Variants in PACSIN2 observed in about 807,000 individuals in gnomAD.
PACSIN2 encodes the protein protein kinase C and casein kinase substrate in neurons 2.
A neutral mutation model predicts 63.8 loss-of-function variants in PACSIN2; 25 were observed. That is an observed-to-expected ratio of 0.39 (90% CI 0.29 to 0.55). The LOEUF (loss-of-function observed/expected upper bound fraction) is 0.55, where lower values mean the gene tolerates loss of function less well. Ranked by LOEUF, PACSIN2 falls within the 20% of genes least tolerant of loss-of-function variation. The probability of loss-of-function intolerance (pLI) is 0.62; values close to 1 mark genes in which losing one functional copy is unlikely to be tolerated. For missense variants in PACSIN2, 518 were observed against 646.9 expected (o/e 0.80, Z 2.16); for synonymous variants, 255 against 256.2 (o/e 1.00, Z 0.05).
At chr22:42,943,913 A>G (rs1933290340) in intron 1 of PACSIN2, among the ~76,000 whole-genome samples, 2 of 152,242 alleles carry the variant, frequency 1.3e-5, no homozygotes, top group Non-Finnish European at 2.9e-5. Flanking sequence ...TAAAAATCTT[A>G]TTACCTAAAA....
At chr22:42,922,500 T>G (rs1932261491) in intron 1 of PACSIN2, among the ~76,000 whole-genome samples, 1 of 152,156 alleles carries the variant, frequency 6.6e-6, no homozygotes, top group Non-Finnish European at 1.5e-5. Flanking sequence ...ACTGCAGAGG[T>G]AGGCAGAGGT....
intron 4 of PACSIN2, among the ~76,000 whole-genome samples, chr22:42,890,578 T>C (rs748435067): frequency 2.0e-5 from 3 of 151,878 alleles, no homozygotes; most frequent in Non-Finnish European, 1.5e-5. Flanking sequence ...ATTAGCAGGG[T>C]GTGGTGGCAT....
intron 1 of PACSIN2, among the ~76,000 whole-genome samples, chr22:42,987,492 A>C (rs1181848913): frequency 3.1e-4 from 31 of 99,832 alleles, no homozygotes; most frequent in African/African-American, 5.4e-4. Context: ...ACACACACAC[A>C]CCCATGGCAC....
chr22:42,979,920 A>G (rs1215739767), intron 1 of PACSIN2, among the ~76,000 whole-genome samples: 2 of 152,232 alleles, frequency 1.3e-5, no homozygotes, highest in Non-Finnish European at 1.5e-5. Context: ...GTAAATTTAC[A>G]TACACACATT....
chr22:42,880,160 G>A (rs962412093), intron 7 of PACSIN2, among the ~76,000 whole-genome samples: 6 of 152,114 alleles, frequency 3.9e-5, no homozygotes, highest in African/African-American at 7.2e-5. Context: ...CTGCTCACAC[G>A]TACTTACAGA....
chr22:42,978,249 T>A (rs1169630326), intron 1 of PACSIN2, among the ~76,000 whole-genome samples: 1 of 152,206 alleles, frequency 6.6e-6, no homozygotes, highest in Admixed American at 6.5e-5. Flanking sequence ...TCTCTTTTTT[T>A]AAAACATGCA....
intron 1 of PACSIN2, among the ~76,000 whole-genome samples, chr22:42,925,601 G>T (rs1375996688): frequency 6.6e-6 from 1 of 152,188 alleles, no homozygotes; most frequent in East Asian, 1.9e-4. Flanking sequence ...ATTGCTGGAT[G>T]AATTCAGGAC....
At chr22:42,941,201 C>G (rs1451321265) in intron 1 of PACSIN2, among the ~76,000 whole-genome samples, 4 of 136,148 alleles carry the variant, frequency 2.9e-5, no homozygotes, top group Non-Finnish European at 6.2e-5. Context: ...GTTCAAGGTT[C>G]GTCCACGTTG....
chr22:42,946,278 C>T lies in PACSIN2; in HGVS notation c.-77-34121G>A, dbSNP rs544611489. 1.1e-4 allele frequency among the ~76,000 whole-genome samples: 16 copies of T among 152,312 alleles called. No individual in the cohort carries two copies. The South Asian group carries it at 3.3e-3, about 32-fold the overall frequency. On this transcript the variant is annotated intron_variant, in intron 1 of 10. Coordinates refer to ENST00000263246, the MANE Select transcript of PACSIN2 (RefSeq NM_001184970.3). ...CTCCAGAAGTATGGGTACCCCAAAC[C>T]TGCCACAGTCTAAGGGGGAAGTAAG...
At chr22:43,014,919 CGGCCCTGACGGGGCGCG>C (rs1924787069) in intron 1 of PACSIN2, 85 bp downstream of exon 1, 1 of 149,796 alleles carries the variant, frequency 6.7e-6, no homozygotes, top group African/African-American at 2.4e-5. Context: ...CTCGGCGCGG[CGGCCCTGACGGGGCGCG>C]GGCCCGGCCG....
chr22:42,882,430 C>A (rs1161114327), intron 6 of PACSIN2, 126 bp from the exon 7 acceptor site: 4 of 1,024,252 alleles, frequency 3.9e-6, no homozygotes, highest in Non-Finnish European at 5.7e-6. Context: ...CAGACAGAGC[C>A]AGAACACTCC....
chr22:42,874,661 C>T (rs1307183986), intron 10 of PACSIN2, among the ~76,000 whole-genome samples: 1 of 152,162 alleles, frequency 6.6e-6, no homozygotes, highest in Non-Finnish European at 1.5e-5. Context: ...TCTCTCATGG[C>T]CCTGCGGGGC....
intron 1 of PACSIN2, among the ~76,000 whole-genome samples, chr22:42,992,756 T>C (rs781237856): frequency 3.9e-5 from 6 of 152,262 alleles, no homozygotes; most frequent in African/African-American, 1.4e-4. Flanking sequence ...AATTGTAGCA[T>C]GCCCATGCAT....
At chr22:42,877,105 A>G (rs556757339) in intron 8 of PACSIN2, 95 bp from the exon 9 acceptor site, 5 of 1,388,640 alleles carry the variant, frequency 3.6e-6, no homozygotes, top group Non-Finnish European at 4.0e-6. Context: ...GAGACAAATC[A>G]GCTCCTCCTG....
At chr22:42,921,746 T>C (rs1932209577) in intron 1 of PACSIN2, among the ~76,000 whole-genome samples, 1 of 151,950 alleles carries the variant, frequency 6.6e-6, no homozygotes, top group African/African-American at 2.4e-5. Flanking sequence ...GAAGCTTTTT[T>C]TTTTTTTTAG....
intron 1 of PACSIN2, among the ~76,000 whole-genome samples, chr22:42,978,130 C>G (rs982292444): frequency 6.6e-6 from 1 of 152,222 alleles, no homozygotes; most frequent in African/African-American, 2.4e-5. Flanking sequence ...TACAACCTGC[C>G]ATGCACTTTT....
intron 1 of PACSIN2, among the ~76,000 whole-genome samples, chr22:42,914,408 T>G (rs1027504659): frequency 6.6e-6 from 1 of 152,078 alleles, no homozygotes; most frequent in East Asian, 1.9e-4. Flanking sequence ...AATTTTTGTA[T>G]TTTTTAGTAG....
intron 4 of PACSIN2, among the ~76,000 whole-genome samples, chr22:42,890,448 A>G (rs1449706090): frequency 1.3e-5 from 2 of 152,158 alleles, no homozygotes; most frequent in African/African-American, 4.8e-5. Context: ...GATCAAATTT[A>G]AAGAATGCCC....
intron 1 of PACSIN2, among the ~76,000 whole-genome samples, chr22:42,981,356 G>A (rs1343641581): frequency 8.9e-5 from 13 of 145,430 alleles, no homozygotes; most frequent in Admixed American, 2.7e-4. Context: ...GGGAGGTGGG[G>A]GGGGTCAGCC....
Sources: gnomAD v4.1 joint callset for allele counts (sites outside exome capture counted in the v4.1 genomes callset) on GRCh38, gnomAD v4.1.1 for gene constraint, MANE v1.5 for transcripts, NCBI Gene and HGNC (gene_info 2026-07-23, HGNC 2026-07-21) for gene names.